Variants in PHF19 observed in about 807,000 individuals in gnomAD.
The protein encoded by PHF19 is PHD finger protein 19, also known as polycomb like 3.
In PHF19, 21 loss-of-function variants were observed where a neutral mutation model predicts 79.8. That is an observed-to-expected ratio of 0.26 (90% confidence interval 0.19 to 0.38). PHF19 has a LOEUF of 0.38. PHF19 is among the 10% of genes least tolerant of loss of function. The probability of loss-of-function intolerance (pLI) is 1.00; values close to 1 mark genes in which losing one functional copy is unlikely to be tolerated. For missense variants in PHF19, 445 were observed against 744.2 expected (o/e 0.60, Z 4.68); for synonymous variants, 273 against 296.3 (o/e 0.92, Z 0.81).
chr9:120,878,888 A>G (rs897407346), upstream of PHF19, among the ~76,000 whole-genome samples: 4 of 152,170 alleles, frequency 2.6e-5, no homozygotes, highest in African/African-American at 4.8e-5. Flanking sequence ...GGTGTGTCCA[A>G]CGCGGGTAGG....
At chr9:120,886,854 A>G (rs530083545) in intron 1 of PHF19, among the ~76,000 whole-genome samples, 4 of 152,300 alleles carry the variant, frequency 2.6e-5, no homozygotes, top group Non-Finnish European at 4.4e-5. Flanking sequence ...TGACTTTAAG[A>G]AAAATTCCCT....
rs569800467 is a variant in PHF19 at position 120,872,023 on chromosome 9, G to A, written c.269-1485C>T. Among the ~76,000 whole-genome samples the A allele has an allele frequency of 1.0e-4, 9 of 88,194 alleles. No homozygotes were observed. The East Asian group carries it at 3.2e-3, about 31-fold the overall frequency. 57.9% of individuals were successfully genotyped at this position (88,194 alleles called of 152,430 possible). On this transcript the variant is annotated intron_variant, in intron 3 of 14. Coordinates refer to ENST00000373896, the MANE Select transcript of PHF19 (RefSeq NM_015651.3). ...ACTGCACTCCAGCCTGGGTGACAGA[G>A]CAAGACTCTGTCTCAAAAAAAAAAA...
At chr9:120,865,150 T>C (rs1034612544) in intron 9 of PHF19, among the ~76,000 whole-genome samples, 17 of 152,322 alleles carry the variant, frequency 1.1e-4, no homozygotes, top group African/African-American at 3.8e-4. Flanking sequence ...ATAGAGAAGA[T>C]GCCTCACTCT....
At position 120,869,124 on chromosome 9, in the gene PHF19, G is replaced by T; in HGVS notation, c.614+58C>A. 6 of 1,535,758 alleles carry T rather than the reference G, an allele frequency of 3.9e-6. No homozygotes were observed. Among genetic ancestry groups the T allele is most frequent in the Non-Finnish European group, 5.3e-6 (6 of 1,138,790 alleles). On this transcript the variant is annotated intron_variant, in intron 6 of 14. Transcript: ENST00000373896. This position sits in a 1 kb window ranked among gnomAD's most constrained non-coding sequence, Gnocchi z 5.8. Reference sequence around the variant, plus strand: ...GGCTCGCTCCCTATGGGCGGTCCCTGCTGGCGATTCTTGGAGACCTGCCCT... The same window carrying T: ...GGCTCGCTCCCTATGGGCGGTCCCTTCTGGCGATTCTTGGAGACCTGCCCT...
rs954474911 is a variant in PHF19, at chr9:120,865,934, C to T, written c.779+94G>A. 3.1e-6 allele frequency: 5 copies of T among 1,587,730 alleles called. No individual in the cohort carries two copies. In the East Asian group the frequency reaches 6.7e-5, roughly 21 times the overall value. On this transcript the variant is annotated intron_variant, in intron 8 of 14. Coordinates refer to ENST00000373896, the MANE Select transcript of PHF19 (RefSeq NM_015651.3). ...CTGAGAGACAGGGGCAGGGTTGGGA[C>T]CCAGTAGCTGGAAATGGAATTGTTC...
chr9:120,857,985 C>T lies in PHF19; in HGVS notation c.1702G>A (p.Val568Ile), dbSNP rs965932233. 1 of 1,613,272 alleles carries T rather than the reference C, an allele frequency of 6.2e-7. No homozygotes were observed. Reference sequence around the variant, plus strand: ...CCTTCCCACTCCACCAGGTACTGAACCTTGCCCTCAGGTGTGACCCTCCGA... The same window carrying T: ...CCTTCCCACTCCACCAGGTACTGAATCTTGCCCTCAGGTGTGACCCTCCGA... Reference protein sequence around the residue: ...LARRVTPEGKVQYLVEWEGTT... With the variant: ...LARRVTPEGKIQYLVEWEGTT... The change falls in exon 15 of 15, where the codon GTT (valine) becomes ATT (isoleucine). Residue 568 changes from valine to isoleucine, a missense_variant. Val to Ile is a conservative substitution (Grantham distance 29, BLOSUM62 3). Coordinates refer to ENST00000373896, the MANE Select transcript of PHF19 (RefSeq NM_015651.3).
chr9:120,885,017 C>G (rs964747107), intron 1 of PHF19, among the ~76,000 whole-genome samples: 1 of 151,998 alleles, frequency 6.6e-6, no homozygotes, highest in African/African-American at 2.4e-5. Context: ...GCCAGGAGTT[C>G]AAGACCAGCC....
chr9:120,868,872 G>A (rs1017372996), intron 6 of PHF19: 14 of 1,118,148 alleles, frequency 1.3e-5, no homozygotes, highest in Middle Eastern at 3.8e-4. Context: ...CTCGCCCCAA[G>A]GTCTAACCTT....
chr9:120,871,381 A>G (rs2045890198), intron 3 of PHF19, among the ~76,000 whole-genome samples: 2 of 152,252 alleles, frequency 1.3e-5, no homozygotes, highest in African/African-American at 4.8e-5. Context: ...ACTCTTTTTA[A>G]AAAACATAAT....
chr9:120,860,834 A>G lies in PHF19; in HGVS notation c.1304+255T>C. On this transcript the variant is annotated intron_variant, in intron 13 of 14. Transcript: ENST00000373896. This position sits in a 1 kb window ranked among gnomAD's most constrained non-coding sequence, Gnocchi z 4.1. ...AAAGGGTATCTCAGGCAGAGGGAGCAATACGAGCAAAGATGAGCAAGCATC... is the reference window on the plus strand; with the variant it reads ...AAAGGGTATCTCAGGCAGAGGGAGCGATACGAGCAAAGATGAGCAAGCATC... 1 of 431,966 alleles carries G rather than the reference A, an allele frequency of 2.3e-6. No individual in the cohort carries two copies. The highest frequency in any genetic ancestry group is 2.4e-5 in the South Asian group (1 of 41,412). 26.8% of individuals were successfully genotyped at this position (431,966 alleles called of 1,614,324 possible). A position where few individuals can be genotyped will look rare whatever the true frequency, so the allele number is the denominator to read the frequency against.
Position 120,891,318 on chromosome 9 carries a change from T to A in PHF19, c.42+3470A>T, listed in dbSNP as rs1222588217. 6.7e-6 allele frequency among the ~76,000 whole-genome samples: 1 copy of A among 149,866 alleles called. No homozygotes were observed. The highest frequency in any genetic ancestry group is 1.5e-5 in the Non-Finnish European group (1 of 67,500). On this transcript the variant is annotated intron_variant, in intron 1 of 14. Transcript: ENST00000616568. The surrounding 1 kb of genome is among the most constrained non-coding windows in gnomAD (Gnocchi z 4.3). ...CCCTCCCCTCCCCTCTCTGAGGAACTTGGTCCAGCTACAGTCAATATCTAG... is the reference window on the plus strand; with the variant it reads ...CCCTCCCCTCCCCTCTCTGAGGAACATGGTCCAGCTACAGTCAATATCTAG...
chr9:120,896,279 G>A (rs2046400432), upstream of PHF19, among the ~76,000 whole-genome samples: 1 of 152,000 alleles, frequency 6.6e-6, no homozygotes, highest in African/African-American at 2.4e-5. Context: ...AAGCTCTTAG[G>A]TCCATGATCT....
chr9:120,902,364 C>T, the PHF19 span: 1 of 152,146 alleles, frequency 6.6e-6, no homozygotes, highest in African/African-American at 2.4e-5. Flanking sequence ...CTTGAATCAC[C>T]TGTAAAAGAT....
In PHF19 at chr9:120,870,536, C is replaced by T. The variant is rs755722809; in HGVS notation, c.271G>A (p.Gly91Ser). 1.9e-6 allele frequency: 3 copies of T among 1,601,698 alleles called. No individual in the cohort carries two copies. Among genetic ancestry groups the T allele is most frequent in the Admixed American group, 1.7e-5 (1 of 60,000 alleles). The part of the protein sequence containing the change: ...WVLWKDIQHA[G>S]VPGEEPKCNI... ...CACTTGGGCTCCTCTCCTGGAACAC[C>T]GGCTGAAAGAGAGGGCCTCGAGGGT... Residue 91 changes from glycine (G) to serine (S), a missense_variant and splice_region_variant, in exon 4 of 15, where the codon GGT becomes AGT. Transcript: ENST00000373896. The surrounding 1 kb of genome is among the most constrained non-coding windows in gnomAD (Gnocchi z 4.4).
At position 120,862,132 on chromosome 9, in the gene PHF19, C is replaced by A; in HGVS notation, c.1131-127G>T. On this transcript the variant is annotated intron_variant, in intron 11 of 14. Coordinates refer to ENST00000373896, the MANE Select transcript of PHF19 (RefSeq NM_015651.3). The surrounding 1 kb of genome is among the most constrained non-coding windows in gnomAD (Gnocchi z 4.6). ...GAGACAGGCTCTGAACACAGCTGCACCTTCACAGGGAGGCCTGGGGAGGAG... is the reference window on the plus strand; with the variant it reads ...GAGACAGGCTCTGAACACAGCTGCAACTTCACAGGGAGGCCTGGGGAGGAG... The A allele has an allele frequency of 1.3e-6, 1 of 743,786 alleles. No individual in the cohort carries two copies. The allele number at this position is 743,786 out of a possible 1,614,324, so 46.1% of individuals were successfully genotyped here.
Position 120,869,958 on chromosome 9 carries a change from A to G in PHF19, c.365-13T>C. 2 of 1,561,528 alleles carry G rather than the reference A, an allele frequency of 1.3e-6. No homozygotes were observed. Among genetic ancestry groups the G allele is most frequent in the Non-Finnish European group, 8.7e-7 (1 of 1,153,052 alleles). On this transcript the variant is annotated splice_polypyrimidine_tract_variant and intron_variant, in intron 4 of 14. Coordinates refer to ENST00000373896, the MANE Select transcript of PHF19 (RefSeq NM_015651.3). This position sits in a 1 kb window ranked among gnomAD's most constrained non-coding sequence, Gnocchi z 5.8. ...TGCTGGTGGTAACCTACGGCAGAGGAGGGGGCGGTGAGCGCCCACAAGGAC... is the reference window on the plus strand; with the variant it reads ...TGCTGGTGGTAACCTACGGCAGAGGGGGGGGCGGTGAGCGCCCACAAGGAC...
chr9:120,895,950 G>A (rs1157121634), upstream of PHF19, among the ~76,000 whole-genome samples: 1 of 152,140 alleles, frequency 6.6e-6, no homozygotes, highest in Non-Finnish European at 1.5e-5. Context: ...ACTGCGCCTG[G>A]CCAAATTATA....
chr9:120,879,341 C>G (rs1345101541), upstream of PHF19, among the ~76,000 whole-genome samples: 3 of 152,120 alleles, frequency 2.0e-5, no homozygotes, highest in Non-Finnish European at 1.5e-5. Flanking sequence ...CTGGCAACCT[C>G]GTGGAGGAGG....
chr9:120,894,781 G>T (rs1211854380), intron 1 of PHF19: 7 of 1,227,100 alleles, frequency 5.7e-6, no homozygotes, highest in Non-Finnish European at 7.1e-6. Context: ...CGATCTCCCG[G>T]ACCCACCTGG....
Sources: gnomAD v4.1 joint callset for allele counts (sites outside exome capture counted in the v4.1 genomes callset) on GRCh38, gnomAD v4.1.1 for gene constraint, Gnocchi (gnomAD v3.1) non-coding constraint, MANE v1.5 for transcripts, NCBI Gene and HGNC (gene_info 2026-07-23, HGNC 2026-07-21) for gene names.